Variants in HCK observed in about 807,000 individuals in gnomAD.
HCK encodes HCK proto-oncogene, Src family tyrosine kinase, also known as tyrosine-protein kinase HCK.
A neutral mutation model predicts 70.4 loss-of-function variants in HCK; 40 were observed. The ratio of observed to expected loss-of-function variants is 0.57; its 90% CI spans 0.44 to 0.74. The LOEUF (loss-of-function observed/expected upper bound fraction) is 0.74, where lower values mean the gene tolerates loss of function less well. HCK is among the 30% of genes least tolerant of loss of function. HCK has a pLI of 0.00. For missense variants in HCK, 568 were observed against 697.2 expected (o/e 0.81, Z 2.09); for synonymous variants, 245 against 263.2 (o/e 0.93, Z 0.67).
chr20:32,071,580 G>A (rs2045539099), intron 1 of HCK, 82 bp from the exon 2 acceptor site: 2 of 1,557,010 alleles, frequency 1.3e-6, no homozygotes, highest in Non-Finnish European at 1.7e-6. Context: ...CGGGGGCAGG[G>A]GACCTGGAAT....
Position 32,086,800 on chromosome 20 carries a change from G to A in HCK, c.1008G>A (p.Met336Ile), listed in dbSNP as rs745997826. The A allele has an allele frequency of 6.3e-7, 1 of 1,577,332 alleles. No homozygotes were observed. Among genetic ancestry groups the A allele is most frequent in the Admixed American group, 1.7e-5 (1 of 57,254 alleles). Residue 336 changes from methionine (M) to isoleucine (I), a missense_variant, in exon 9 of 13, where the codon ATG becomes ATA. Physicochemically the swap from Met to Ile is conservative, Grantham distance 10. Coordinates refer to ENST00000375852, the MANE Select transcript of HCK (RefSeq NM_002110.5). ...CCATCTACATCATCACGGAGTTCAT[G>A]GCCAAAGGTGCTGCGTGCTGGGGCT...
At chr20:32,060,444 C>T (rs191790392) in intron 1 of HCK, among the ~76,000 whole-genome samples, 2 of 152,178 alleles carry the variant, frequency 1.3e-5, no homozygotes, top group South Asian at 2.1e-4. Context: ...TTGTCTCAAA[C>T]TCCTGACATC....
chr20:32,075,792 A>C (rs1193365459), intron 5 of HCK, among the ~76,000 whole-genome samples: 2 of 152,186 alleles, frequency 1.3e-5, no homozygotes, highest in African/African-American at 4.8e-5. Flanking sequence ...AAGATGACTT[A>C]GATGGGGCTC....
At position 32,074,620 on chromosome 20, in the gene HCK, C is replaced by T; in HGVS notation, c.330-3C>T. The T allele has an allele frequency of 6.2e-7, 1 of 1,606,220 alleles. No individual in the cohort carries two copies. Among genetic ancestry groups the T allele is most frequent in the East Asian group, 2.2e-5 (1 of 44,844 alleles). On this transcript the variant is annotated splice_region_variant and splice_polypyrimidine_tract_variant and intron_variant, in intron 4 of 12. Coordinates refer to ENST00000375852, the MANE Select transcript of HCK (RefSeq NM_002110.5). ...AACACCTTTACTCCCTCATGTCCCT[C>T]AGATCCGGGGAGTGGTGGAAGGCTC...
intron 11 of HCK, among the ~76,000 whole-genome samples, chr20:32,094,771 A>AGGAG (rs2045920716): frequency 1.6e-5 from 2 of 123,518 alleles, no homozygotes; most frequent in African/African-American, 6.4e-5. Flanking sequence ...GAAGGAAAGA[A>AGGAG]AGAAAGAGAG....
chr20:32,094,799 A>AAGAGAGAGAAAGAGAG (rs1569010646), intron 11 of HCK, among the ~76,000 whole-genome samples: 1 of 36,586 alleles, frequency 2.7e-5, no homozygotes, highest in African/African-American at 6.3e-5. Context: ...GAAAGAAAGA[A>AAGAGAGAGAAAGAGAG]AGAAAGAAAG....
rs558038110 is a variant in HCK at position 32,064,686 on chromosome 20, C to T, written c.63-6976C>T. Among the ~76,000 whole-genome samples, 11 of 152,324 alleles carry T rather than the reference C, an allele frequency of 7.2e-5. No individual in the cohort carries two copies. In the South Asian group the frequency reaches 2.3e-3, roughly 32 times the overall value. On this transcript the variant is annotated intron_variant, in intron 1 of 12. Transcript: ENST00000375852. ...AAGCTCCCAGAAAACCATCTCCAGC[C>T]CACTGGATGGATGCTCAGGCAGGCC...
At position 32,086,573 on chromosome 20, in the gene HCK, G is replaced by T. The variant is rs2045789615; in HGVS notation, c.836-55G>T. 21 of 1,465,478 alleles carry T rather than the reference G, an allele frequency of 1.4e-5. No homozygotes were observed. The South Asian group carries it at 2.5e-4, about 18-fold the overall frequency. The allele number at this position is 1,465,478 out of a possible 1,614,324, so 90.8% of individuals were successfully genotyped here. Reference sequence around the variant, plus strand: ...GGTCTGCAGCTGGGCCTTCTAGGGTGGTACGGGAGACCAGTGGGCTCTGAC... The same window carrying T: ...GGTCTGCAGCTGGGCCTTCTAGGGTTGTACGGGAGACCAGTGGGCTCTGAC... On this transcript the variant is annotated intron_variant, in intron 8 of 12. Coordinates refer to ENST00000375852, the MANE Select transcript of HCK (RefSeq NM_002110.5).
intron 7 of HCK, 67 bp downstream of exon 7, chr20:32,084,110 C>T: frequency 2.0e-6 from 3 of 1,533,378 alleles, no homozygotes; most frequent in East Asian, 2.3e-5. Flanking sequence ...CACGGATGCA[C>T]TGTGGCCCCT....
chr20:32,072,102 T>C, intron 2 of HCK: 1 of 327,264 alleles, frequency 3.1e-6, no homozygotes, highest in Non-Finnish European at 5.7e-6. Flanking sequence ...TGAACAGTAA[T>C]GATAGCAGCT....
chr20:32,054,533 G>A (rs1200135897), intron 1 of HCK, among the ~76,000 whole-genome samples: 2 of 120,574 alleles, frequency 1.7e-5, no homozygotes, highest in Non-Finnish European at 3.2e-5. Flanking sequence ...AAGCCCGGAC[G>A]CGGGGGCTCA....
At position 32,073,408 on chromosome 20, in the gene HCK, G is replaced by A. The variant is rs7264938; in HGVS notation, c.226+47G>A. 2.8e-3 allele frequency: 4,182 copies of A among 1,506,272 alleles called. 99 individuals carry two copies. The African/African-American group carries it at 0.05, about 18-fold the overall frequency. 93.3% of individuals were successfully genotyped at this position (1,506,272 alleles called of 1,614,324 possible). On this transcript the variant is annotated intron_variant, in intron 3 of 12. Transcript: ENST00000375852. ...CAGTGGAGTCATGTGTCCTGCAGAG[G>A]ACTCCGCTAGGTTCTCCCTTAGCTT... is the stretch of plus-strand genomic sequence containing the variant.
chr20:32,066,331 T>TTTTGTGA (rs60044994), intron 1 of HCK, among the ~76,000 whole-genome samples: 1 of 81,878 alleles, frequency 1.2e-5, no homozygotes, highest in Non-Finnish European at 2.3e-5. Context: ...TTTTTTTTTT[T>TTTTGTGA]GACAGAGTCT....
At position 32,094,034 on chromosome 20, in the gene HCK, G is replaced by A; in HGVS notation, c.1246+18G>A. ...TCGGGAAGGTAGGGAACGCTGCCAA[G>A]CAGCCCCACGTTGCCCATTTGGATG... On this transcript the variant is annotated intron_variant, in intron 11 of 12. Transcript: ENST00000375852. 4 of 1,606,918 alleles carry A rather than the reference G, an allele frequency of 2.5e-6. No individual in the cohort carries two copies. The highest frequency in any genetic ancestry group is 3.4e-6 in the Non-Finnish European group (4 of 1,176,942).
At chr20:32,098,870 C>T in intron 11 of HCK, 134 bp from the exon 12 acceptor site, 4 of 930,208 alleles carry the variant, frequency 4.3e-6, no homozygotes, top group Non-Finnish European at 6.6e-6. Flanking sequence ...ACAGGGAGGC[C>T]ACGTATCAGG....
intron 12 of HCK, among the ~76,000 whole-genome samples, chr20:32,101,113 C>T (rs1324351974): frequency 2.0e-5 from 3 of 152,200 alleles, no homozygotes; most frequent in Non-Finnish European, 4.4e-5. Flanking sequence ...TCCCCATCAG[C>T]TCCCATTGGC....
chr20:32,086,788 C>G lies in HCK; in HGVS notation c.996C>G (p.Ile332Met). 6.3e-7 allele frequency: 1 copy of G among 1,585,400 alleles called. No homozygotes were observed. Among genetic ancestry groups the G allele is most frequent in the Non-Finnish European group, 8.6e-7 (1 of 1,165,222 alleles). The change falls in exon 9 of 13, where the codon ATC (isoleucine) becomes ATG (methionine). Residue 332 changes from isoleucine (I) to methionine (M), a missense_variant. Ile to Met is a conservative substitution (Grantham distance 10). Coordinates refer to ENST00000375852, the MANE Select transcript of HCK (RefSeq NM_002110.5). Reference sequence around the variant, plus strand: ...TCACCAAGGAGCCCATCTACATCATCACGGAGTTCATGGCCAAAGGTGCTG... The same window carrying G: ...TCACCAAGGAGCCCATCTACATCATGACGGAGTTCATGGCCAAAGGTGCTG...
intron 1 of HCK, among the ~76,000 whole-genome samples, chr20:32,056,416 T>G (rs2045272801): frequency 6.6e-6 from 1 of 151,740 alleles, no homozygotes; most frequent in South Asian, 2.1e-4. Flanking sequence ...CTCGGGAGGC[T>G]GAGGCAGGAG....
Position 32,073,375 on chromosome 20 carries a change from A to C in HCK, c.226+14A>C. The C allele has an allele frequency of 6.2e-7, 1 of 1,609,314 alleles. No individual in the cohort carries two copies. The highest frequency in any genetic ancestry group is 8.5e-7 in the Non-Finnish European group (1 of 1,177,570). On this transcript the variant is annotated intron_variant, in intron 3 of 12. Coordinates refer to ENST00000375852, the MANE Select transcript of HCK (RefSeq NM_002110.5). Reference sequence around the variant, plus strand: ...GAATCAGGGAGGGTAAGTATCTACGAGCAGATGCAGTGGAGTCATGTGTCC... The same window carrying C: ...GAATCAGGGAGGGTAAGTATCTACGCGCAGATGCAGTGGAGTCATGTGTCC...
Sources: allele counts gnomAD v4.1 joint callset (sites outside exome capture counted in the v4.1 genomes callset), GRCh38; gene constraint gnomAD v4.1.1; transcripts MANE v1.5; gene names NCBI Gene and HGNC (gene_info 2026-07-23, HGNC 2026-07-21).